The following UNC13C variants were observed in gnomAD, a reference collection of about 807,000 sequenced individuals.
The protein encoded by UNC13C is protein unc-13 homolog C.
In UNC13C, 174 loss-of-function variants were observed where a neutral mutation model predicts 245.4. The ratio of observed to expected loss-of-function variants is 0.71; its 90% CI spans 0.63 to 0.80. The LOEUF is 0.80. UNC13C is among the 30% of genes least tolerant of loss of function. The pLI is 0.00. For synonymous variants in UNC13C, 992 were observed against 895.1 expected, an observed-to-expected ratio of 1.11 and a Z score of -1.93; for missense variants, 2,829 against 2,602.9, an observed-to-expected ratio of 1.09 and a Z score of -1.89.
intron 30 of UNC13C, among the ~76,000 whole-genome samples, chr15:54,599,112 C>A (rs1057355613): frequency 6.6e-6 from 1 of 151,902 alleles, no homozygotes; most frequent in African/African-American, 2.4e-5. Flanking sequence ...ATTATCTGGT[C>A]ACACATATAT....
the UNC13C span, among the ~76,000 whole-genome samples, chr15:53,944,795 G>A: frequency 7.9e-5 from 12 of 152,228 alleles, no homozygotes; most frequent in Admixed American, 5.2e-4. Flanking sequence ...GTAATAGGAT[G>A]GCTGGGTCAA....
chr15:54,480,887 C>G (rs1439857506), intron 19 of UNC13C, among the ~76,000 whole-genome samples: 1 of 151,974 alleles, frequency 6.6e-6, no homozygotes, highest in African/African-American at 2.4e-5. Context: ...TTCCTATAGT[C>G]ACATGTAAGG....
chr15:54,189,495 G>A (rs765676360), intron 4 of UNC13C, among the ~76,000 whole-genome samples: 1 of 152,114 alleles, frequency 6.6e-6, no homozygotes, highest in Non-Finnish European at 1.5e-5. Context: ...TACTTCAATA[G>A]AAGTTCTTAG....
At chr15:54,003,500 A>C (rs1894993746) in intron 1 of UNC13C, among the ~76,000 whole-genome samples, 1 of 152,126 alleles carries the variant, frequency 6.6e-6, no homozygotes, top group African/African-American at 2.4e-5. Flanking sequence ...TCCCCTTTGA[A>C]GGTGGACTGT....
At chr15:53,930,321 A>T in the UNC13C span, among the ~76,000 whole-genome samples, 1 of 152,158 alleles carries the variant, frequency 6.6e-6, no homozygotes, top group Non-Finnish European at 1.5e-5. Context: ...ACAAGCCCCT[A>T]CCATTGCATT....
the UNC13C span, among the ~76,000 whole-genome samples, chr15:53,963,036 A>G: frequency 6.6e-6 from 1 of 152,186 alleles, no homozygotes; most frequent in Non-Finnish European, 1.5e-5. Flanking sequence ...TACCTTACAG[A>G]GGTCAGGAAG....
At chr15:54,169,171 G>A (rs757837633) in intron 4 of UNC13C, among the ~76,000 whole-genome samples, 13 of 152,098 alleles carry the variant, frequency 8.5e-5, no homozygotes, top group South Asian at 2.1e-4. Flanking sequence ...CAAATTAGAC[G>A]AAAATTTTCC....
At chr15:54,481,054 C>T (rs1434160434) in intron 19 of UNC13C, among the ~76,000 whole-genome samples, 1 of 152,068 alleles carries the variant, frequency 6.6e-6, no homozygotes, top group South Asian at 2.1e-4. Context: ...TGGTAGGATG[C>T]TTTGGTTTTG....
chr15:54,159,061 T>C (rs2032869293), intron 4 of UNC13C, among the ~76,000 whole-genome samples: 1 of 152,164 alleles, frequency 6.6e-6, no homozygotes, highest in Admixed American at 6.5e-5. Flanking sequence ...GGGGCCCACT[T>C]TTCATTGGAG....
chr15:53,921,473 A>G, the UNC13C span, among the ~76,000 whole-genome samples: 562 of 152,330 alleles, frequency 3.7e-3, 8 homozygotes, highest in African/African-American at 0.013. Flanking sequence ...TCTGGTTGAC[A>G]TTAAAGTTGG....
intron 14 of UNC13C, among the ~76,000 whole-genome samples, chr15:54,325,939 TAG>T (rs1443384264): frequency 6.6e-6 from 1 of 151,916 alleles, no homozygotes; most frequent in East Asian, 2.0e-4. Flanking sequence ...AACATGTTTA[TAG>T]AGTGTTAGGA....
chr15:54,210,590 GT>G (rs1249180465), intron 4 of UNC13C, among the ~76,000 whole-genome samples: 1 of 151,822 alleles, frequency 6.6e-6, no homozygotes, highest in African/African-American at 2.4e-5. Flanking sequence ...CTCTTTATAT[GT>G]TTATATGTCT....
intron 10 of UNC13C, among the ~76,000 whole-genome samples, chr15:54,283,436 A>G (rs1164132070): frequency 2.6e-5 from 4 of 152,108 alleles, no homozygotes; most frequent in African/African-American, 7.2e-5. Context: ...AAATTTCCAC[A>G]TTGTAAAAGA....
rs370866748 is a variant in UNC13C, at chr15:54,270,871, T to C, written c.3818+5375T>C. Among the ~76,000 whole-genome samples, 12 of 152,146 alleles carry C rather than the reference T, an allele frequency of 7.9e-5. No homozygotes were observed. In the East Asian group the frequency reaches 1.7e-3, roughly 22 times the overall value. ...AAGCAGAAATTGGGAAGTGTGATTTTTTTTCCCCCTACATCCAAACTCTTC... is the reference window on the plus strand; with the variant it reads ...AAGCAGAAATTGGGAAGTGTGATTTCTTTTCCCCCTACATCCAAACTCTTC... On this transcript the variant is annotated intron_variant, in intron 10 of 32. Transcript: ENST00000260323.
intron 26 of UNC13C, among the ~76,000 whole-genome samples, chr15:54,537,907 A>T (rs549767685): frequency 6.6e-6 from 1 of 152,024 alleles, no homozygotes; most frequent in African/African-American, 2.4e-5. Context: ...AGGAAAAACC[A>T]TTCTGGACAT....
chr15:53,953,495 AAGAGTATTACAAGAGG>A, the UNC13C span, among the ~76,000 whole-genome samples: 3 of 152,216 alleles, frequency 2.0e-5, no homozygotes, highest in Non-Finnish European at 4.4e-5. Context: ...GGCATCACCC[AAGAGTATTACAAGAGG>A]AGCAAAATAG....
intron 2 of UNC13C, among the ~76,000 whole-genome samples, chr15:54,041,735 G>C (rs72739073): frequency 0.047 from 7,171 of 152,278 alleles, 241 homozygotes; most frequent in Non-Finnish European, 0.07. Flanking sequence ...TCATGGGGTT[G>C]TTGTGAAGAT....
At chr15:54,612,212 T>C (rs993173789) in intron 30 of UNC13C, among the ~76,000 whole-genome samples, 2 of 152,052 alleles carry the variant, frequency 1.3e-5, no homozygotes, top group Admixed American at 6.6e-5. Flanking sequence ...CGAGTAGTTA[T>C]ATTTTTCACA....
chr15:54,015,470 C>T lies in UNC13C; in HGVS notation c.2567C>T (p.Pro856Leu). ...CTTGACTCTGATGTCTACACGGAGCCCTATTACTATAAAGCAGAGGATGAG... is the reference window on the plus strand; with the variant it reads ...CTTGACTCTGATGTCTACACGGAGCTCTATTACTATAAAGCAGAGGATGAG... ...TTLDSDVYTE[P>L]YYYKAEDEED... Residue 856 changes from proline to leucine, a missense_variant, in exon 2 of 33, where the codon CCC becomes CTC. By Grantham distance (98) the Pro-to-Leu change is moderately conservative. Transcript: ENST00000260323. The T allele has an allele frequency of 6.2e-7, 1 of 1,613,342 alleles. No homozygotes were observed. The highest frequency in any genetic ancestry group is 8.5e-7 in the Non-Finnish European group (1 of 1,179,618).
Sources: allele counts gnomAD v4.1 joint callset (sites outside exome capture counted in the v4.1 genomes callset), GRCh38; gene constraint gnomAD v4.1.1; transcripts MANE v1.5; gene names NCBI Gene and HGNC (gene_info 2026-07-23, HGNC 2026-07-21).